The following CCSER2 variants were observed in gnomAD, a reference collection of about 807,000 sequenced individuals.
The protein encoded by CCSER2 is serine-rich coiled-coil domain-containing protein 2.
CCSER2 carries 46 observed loss-of-function variants against 92.3 expected under a neutral mutation model. The observed-to-expected ratio is 0.50, with a 90% CI of 0.39 to 0.64. CCSER2 has a LOEUF of 0.64. Ranked by LOEUF, CCSER2 falls within the 30% of genes least tolerant of loss-of-function variation. The pLI, the probability that CCSER2 is intolerant of heterozygous loss-of-function variation, is 0.00. For missense variants in CCSER2, 1,244 were observed against 1,238.9 expected, an observed-to-expected ratio of 1.00 and a Z score of -0.06; for synonymous variants, 433 against 431.4, an observed-to-expected ratio of 1.00 and a Z score of -0.04.
At chr10:84,423,292 G>C (rs1303475110) in intron 4 of CCSER2, among the ~76,000 whole-genome samples, 2 of 152,162 alleles carry the variant, frequency 1.3e-5, no homozygotes, top group Non-Finnish European at 2.9e-5. Flanking sequence ...CAGAATCTTG[G>C]AGCAGTCATT....
intron 6 of CCSER2, among the ~76,000 whole-genome samples, chr10:84,443,971 A>G (rs1006389900): frequency 6.6e-6 from 1 of 152,078 alleles, no homozygotes; most frequent in Non-Finnish European, 1.5e-5. Flanking sequence ...GGAGGGGAAC[A>G]TCACACACCA....
At chr10:84,444,332 A>G (rs949233282) in intron 6 of CCSER2, among the ~76,000 whole-genome samples, 6 of 152,274 alleles carry the variant, frequency 3.9e-5, no homozygotes, top group East Asian at 1.9e-4. Context: ...TATGTAGAAA[A>G]TGAATAGCAG....
At position 84,362,652 on chromosome 10, in the gene CCSER2, G is replaced by A. The variant is rs557198461; in HGVS notation, c.-39-8362G>A. ...GAACTCCATTTATGTGAGTGAAAAT[G>A]AAGTTGTAGCTGGAGCACAGAAAGG... is the stretch of plus-strand genomic sequence containing the variant. On this transcript the variant is annotated intron_variant, in intron 1 of 9. Transcript: ENST00000372088. Among the ~76,000 whole-genome samples the A allele has an allele frequency of 2.0e-5, 3 of 152,258 alleles. No homozygotes were observed. The South Asian group carries it at 6.2e-4, about 32-fold the overall frequency.
chr10:84,438,703 A>G lies in CCSER2; in HGVS notation c.2060A>G (p.His687Arg). Residue 687 changes from histidine (H) to arginine (R), a missense_variant, in exon 6 of 10, where the codon CAT (histidine) becomes CGT (arginine). By Grantham distance (29) the His-to-Arg change is conservative (BLOSUM62 0). Coordinates refer to ENST00000372088, the MANE Select transcript of CCSER2 (RefSeq NM_001284240.2). ...TTACTCAAACTGAAACGTCTCCTGC[A>G]TCAGGTGAGTACATAATGAACATTT... is the stretch of plus-strand genomic sequence containing the variant. ...TQLLKLKRLL[H>R]QHDGSGSLHD... 3 of 1,596,140 alleles carry G rather than the reference A, an allele frequency of 1.9e-6. No individual in the cohort carries two copies. The highest frequency in any genetic ancestry group is 2.6e-6 in the Non-Finnish European group (3 of 1,167,970).
At chr10:84,482,722 C>T (rs548076203) in intron 9 of CCSER2, among the ~76,000 whole-genome samples, 1 of 152,146 alleles carries the variant, frequency 6.6e-6, no homozygotes, top group African/African-American at 2.4e-5. Flanking sequence ...ATTACTTATC[C>T]CCTTGAATCT....
At chr10:84,428,985 GTATATATATATA>G (rs60243946) in intron 5 of CCSER2, among the ~76,000 whole-genome samples, 20,443 of 140,798 alleles carry the variant, frequency 0.15, 1,625 homozygotes, top group Admixed American at 0.24. Context: ...GTGTGTATGT[GTATATATATATA>G]TATATATATA....
chr10:84,455,826 T>C, intron 6 of CCSER2: 2 of 891,998 alleles, frequency 2.2e-6, no homozygotes, highest in South Asian at 1.3e-5. Flanking sequence ...CATCCATAAT[T>C]ACTGGTTTTC....
intron 9 of CCSER2, among the ~76,000 whole-genome samples, chr10:84,502,472 C>T (rs987533254): frequency 2.0e-5 from 3 of 150,730 alleles, no homozygotes; most frequent in Admixed American, 6.6e-5. Context: ...CCCGGGTTCA[C>T]GCCATTCTCC....
At chr10:84,334,267 C>G (rs1843718441) in intron 1 of CCSER2, among the ~76,000 whole-genome samples, 2 of 152,106 alleles carry the variant, frequency 1.3e-5, no homozygotes, top group South Asian at 4.1e-4. Context: ...TAAGTTTTCT[C>G]TGAGTATCTG....
At chr10:84,391,487 T>G (rs1841516554) in intron 3 of CCSER2, 3 of 1,555,460 alleles carry the variant, frequency 1.9e-6, no homozygotes, top group Non-Finnish European at 2.7e-6. Context: ...TGTTAAGCCT[T>G]GTATAGCTGA....
intron 3 of CCSER2, among the ~76,000 whole-genome samples, chr10:84,414,090 CTAAT>C (rs1842781001): frequency 6.6e-6 from 1 of 152,134 alleles, no homozygotes; most frequent in Non-Finnish European, 1.5e-5. Flanking sequence ...TGGATCTTGG[CTAAT>C]TATTTAGCTT....
At chr10:84,482,736 C>T (rs1005609386) in intron 9 of CCSER2, among the ~76,000 whole-genome samples, 17 of 152,148 alleles carry the variant, frequency 1.1e-4, no homozygotes, top group Admixed American at 8.5e-4. Flanking sequence ...TGAATCTCTA[C>T]GCAGGGAGAA....
At chr10:84,336,913 A>G (rs1843869242) in intron 1 of CCSER2, among the ~76,000 whole-genome samples, 1 of 152,234 alleles carries the variant, frequency 6.6e-6, no homozygotes, top group Non-Finnish European at 1.5e-5. Context: ...GCCAGAGCCA[A>G]CAATTTAATG....
rs1844054791 is a variant in CCSER2 at position 84,339,533 on chromosome 10, T to C, written c.-40+10725T>C. ...TCTTGTTGCCCAGGCTGGAGTGCAA[T>C]GGCGTGATCTTGGCTCACCGCAACC... On this transcript the variant is annotated intron_variant, in intron 1 of 9. Transcript: ENST00000372088. Among the ~76,000 whole-genome samples the C allele has an allele frequency of 4.0e-5, 6 of 151,668 alleles. No homozygotes were observed. The South Asian group carries it at 1.3e-3, about 32-fold the overall frequency.
intron 9 of CCSER2, among the ~76,000 whole-genome samples, chr10:84,488,935 C>T (rs938791015): frequency 6.6e-6 from 1 of 152,168 alleles, no homozygotes; most frequent in East Asian, 1.9e-4. Context: ...TCTGGTATGT[C>T]GTGTCTTTGT....
At chr10:84,395,798 A>T (rs1048312593) in intron 3 of CCSER2, among the ~76,000 whole-genome samples, 4 of 152,230 alleles carry the variant, frequency 2.6e-5, no homozygotes, top group Non-Finnish European at 5.9e-5. Flanking sequence ...GTCTCATATG[A>T]CCACAAAATA....
chr10:84,361,101 C>A (rs1845478051), intron 1 of CCSER2, among the ~76,000 whole-genome samples: 1 of 152,192 alleles, frequency 6.6e-6, no homozygotes, highest in South Asian at 2.1e-4. Context: ...AGGCTTTCAT[C>A]ACCTCCTGCA....
At chr10:84,444,149 A>T (rs112201431) in intron 6 of CCSER2, among the ~76,000 whole-genome samples, 62 of 152,256 alleles carry the variant, frequency 4.1e-4, no homozygotes, top group East Asian at 1.7e-3. Flanking sequence ...ATAATAATAA[A>T]AAAAAAATGT....
intron 3 of CCSER2, among the ~76,000 whole-genome samples, chr10:84,390,362 T>C (rs1589523477): frequency 6.6e-6 from 1 of 152,194 alleles, no homozygotes; most frequent in African/African-American, 2.4e-5. Flanking sequence ...CATCATAGAA[T>C]GTACTTACAC....
Sources: gnomAD v4.1 joint callset for allele counts (sites outside exome capture counted in the v4.1 genomes callset) on GRCh38, gnomAD v4.1.1 for gene constraint, MANE v1.5 for transcripts, NCBI Gene and HGNC (gene_info 2026-07-23, HGNC 2026-07-21) for gene names.